Variants in DPP10 observed in about 807,000 individuals in gnomAD.
DPP10 encodes the protein inactive dipeptidyl peptidase 10.
DPP10 carries 33 observed loss-of-function variants against 120.9 expected under a neutral mutation model. The ratio of observed to expected loss-of-function variants is 0.27; its 90% CI spans 0.21 to 0.37. The LOEUF is 0.37. Among genes scored for constraint, DPP10 ranks in the 10% least tolerant of loss-of-function variants. The pLI, the probability that DPP10 is intolerant of heterozygous loss-of-function variation, is 1.00. For synonymous variants in DPP10, 337 were observed against 326.1 expected (o/e 1.03, Z -0.36); for missense variants, 816 against 942.8 (o/e 0.87, Z 1.76).
intron 21 of DPP10, among the ~76,000 whole-genome samples, chr2:115,822,356 T>C (rs1687899574): frequency 1.3e-5 from 2 of 151,974 alleles, no homozygotes; most frequent in Admixed American, 1.3e-4. Context: ...CATCAGATAG[T>C]AGTGTCTTAA....
At chr2:115,335,927 T>C (rs2106208442) in intron 2 of DPP10, among the ~76,000 whole-genome samples, 1 of 152,216 alleles carries the variant, frequency 6.6e-6, no homozygotes, top group East Asian at 1.9e-4. Context: ...AGCTTGTTCT[T>C]CTTGTGGGAA....
chr2:115,054,126 T>C (rs10171557), intron 1 of DPP10, among the ~76,000 whole-genome samples: 147,374 of 152,262 alleles, frequency 0.97, 71,526 homozygotes, highest in Middle Eastern at 1. Flanking sequence ...TTGATAAATA[T>C]GATATTATAC....
chr2:115,583,555 A>G (rs1272869173), intron 5 of DPP10, among the ~76,000 whole-genome samples: 1 of 152,154 alleles, frequency 6.6e-6, no homozygotes, highest in Non-Finnish European at 1.5e-5. Context: ...CCTTTGTGAT[A>G]TGATGATTTC....
chr2:115,773,111 A>G (rs952856477), intron 13 of DPP10, among the ~76,000 whole-genome samples: 2 of 152,184 alleles, frequency 1.3e-5, no homozygotes, highest in Non-Finnish European at 2.9e-5. Flanking sequence ...TCACTGCTGC[A>G]TCTGATTAGG....
intron 1 of DPP10, among the ~76,000 whole-genome samples, chr2:114,793,836 C>T (rs1308843392): frequency 1.3e-5 from 2 of 152,160 alleles, no homozygotes; most frequent in Admixed American, 1.3e-4. Context: ...ATTATGACCA[C>T]ACTATGTAAT....
intron 1 of DPP10, among the ~76,000 whole-genome samples, chr2:114,757,087 G>A (rs1486295911): frequency 6.7e-6 from 1 of 149,314 alleles, no homozygotes; most frequent in Non-Finnish European, 1.5e-5. Context: ...AGGAGGAGAG[G>A]GAGTAAAGGA....
intron 1 of DPP10, among the ~76,000 whole-genome samples, chr2:115,058,036 G>T (rs1433959986): frequency 1.3e-5 from 2 of 152,166 alleles, no homozygotes; most frequent in Non-Finnish European, 2.9e-5. Flanking sequence ...CGTTCGCACT[G>T]GGGCACTCTT....
chr2:115,096,811 A>G (rs1035908132), intron 1 of DPP10, among the ~76,000 whole-genome samples: 3 of 152,182 alleles, frequency 2.0e-5, no homozygotes, highest in African/African-American at 7.2e-5. Flanking sequence ...TGAAATATTG[A>G]TGACAAATTT....
intron 1 of DPP10, among the ~76,000 whole-genome samples, chr2:114,684,117 T>G (rs1191617321): frequency 6.6e-6 from 1 of 151,966 alleles, no homozygotes; most frequent in African/African-American, 2.4e-5. Context: ...GCATTCCAGA[T>G]AGGGAAGATT....
At chr2:115,155,302 A>C (rs2051836411) in intron 1 of DPP10, among the ~76,000 whole-genome samples, 1 of 152,170 alleles carries the variant, frequency 6.6e-6, no homozygotes, top group Non-Finnish European at 1.5e-5. Flanking sequence ...GTCCCTGTGA[A>C]CTTGCGATGG....
chr2:115,231,624 C>T (rs530574354), intron 1 of DPP10, among the ~76,000 whole-genome samples: 12 of 152,180 alleles, frequency 7.9e-5, no homozygotes, highest in South Asian at 4.1e-4. Flanking sequence ...AAAATAATTT[C>T]GCCTATAACA....
intron 1 of DPP10, among the ~76,000 whole-genome samples, chr2:114,962,131 TTCA>T (rs1278974088): frequency 9.9e-5 from 15 of 152,252 alleles, no homozygotes; most frequent in African/African-American, 1.9e-4. Context: ...TTCTTCTCAC[TTCA>T]TCATCGTAAG....
Position 115,841,626 on chromosome 2 carries a change from A to C in DPP10, c.2257-585A>C, listed in dbSNP as rs191337458. On this transcript the variant is annotated intron_variant, in intron 25 of 25. Transcript: ENST00000410059. ...GTTGAGGAGTATGGAGTTTTATTCA[A>C]AGGGCAATGAGGCGCCATTTAAACC... 2.1e-3 allele frequency among the ~76,000 whole-genome samples: 314 copies of C among 152,318 alleles called. 1 individual carries two copies. The highest frequency in any genetic ancestry group is 7.2e-3 in the African/African-American group (299 of 41,582).
At chr2:115,588,576 G>T (rs191868491) in intron 5 of DPP10, among the ~76,000 whole-genome samples, 2 of 152,306 alleles carry the variant, frequency 1.3e-5, no homozygotes, top group African/African-American at 4.8e-5. Context: ...CATACCTGGG[G>T]CATGCCACAT....
At chr2:114,614,064 A>T (rs2105298696) in intron 1 of DPP10, among the ~76,000 whole-genome samples, 1 of 152,238 alleles carries the variant, frequency 6.6e-6, no homozygotes, top group African/African-American at 2.4e-5. Context: ...GCAACAAACC[A>T]CCATGGTACA....
chr2:114,574,144 G>T (rs577198955), intron 1 of DPP10, among the ~76,000 whole-genome samples: 1 of 152,308 alleles, frequency 6.6e-6, no homozygotes, highest in African/African-American at 2.4e-5. Flanking sequence ...AGTGGTGTCA[G>T]TGAGAAGGGG....
At chr2:115,656,714 G>A (rs945847811) in intron 5 of DPP10, among the ~76,000 whole-genome samples, 3 of 151,562 alleles carry the variant, frequency 2.0e-5, no homozygotes, top group Admixed American at 6.6e-5. Flanking sequence ...TGTTACCAGC[G>A]GGAGAAAGTC....
At chr2:114,749,400 T>C (rs939561454) in intron 1 of DPP10, among the ~76,000 whole-genome samples, 6 of 152,090 alleles carry the variant, frequency 3.9e-5, no homozygotes, top group Non-Finnish European at 1.5e-5. Flanking sequence ...CAGAATGGGT[T>C]GCTTTACTTC....
intron 1 of DPP10, among the ~76,000 whole-genome samples, chr2:114,957,517 T>G (rs1698302955): frequency 6.6e-6 from 1 of 152,110 alleles, no homozygotes; most frequent in Admixed American, 6.5e-5. Flanking sequence ...AATACAATCA[T>G]TATTTAAAAC....
Sources: gnomAD v4.1 joint callset for allele counts (sites outside exome capture counted in the v4.1 genomes callset) on GRCh38, gnomAD v4.1.1 for gene constraint, MANE v1.5 for transcripts, NCBI Gene and HGNC (gene_info 2026-07-23, HGNC 2026-07-21) for gene names.